Variants in INTS6 observed in about 807,000 individuals in gnomAD.
INTS6 encodes the protein DEAD box protein.
Under a neutral mutation model 104.9 loss-of-function variants are expected in INTS6, and 16 were observed. The observed-to-expected ratio is 0.15, with a 90% CI of 0.10 to 0.23. INTS6 has a LOEUF of 0.23. INTS6 is among the 10% of genes least tolerant of loss of function. The pLI, the probability that INTS6 is intolerant of heterozygous loss-of-function variation, is 1.00. For missense variants in INTS6, 584 were observed against 1,062.8 expected, an observed-to-expected ratio of 0.55 and a Z score of 6.26; for synonymous variants, 324 against 358.7, an observed-to-expected ratio of 0.90 and a Z score of 1.09.
At chr13:51,416,263 C>A (rs1956784543) in intron 4 of INTS6, among the ~76,000 whole-genome samples, 1 of 152,114 alleles carries the variant, frequency 6.6e-6, no homozygotes, top group African/African-American at 2.4e-5. Flanking sequence ...GATACAAGTT[C>A]TTCTATTTGT....
At chr13:51,345,916 G>A in the INTS6 span, among the ~76,000 whole-genome samples, 3,748 of 152,290 alleles carry the variant, frequency 0.025, 62 homozygotes, top group South Asian at 0.057. Flanking sequence ...GGCTGCTTGG[G>A]TTCAAATCCA....
the INTS6 span, among the ~76,000 whole-genome samples, chr13:51,334,724 G>T: frequency 1.3e-5 from 2 of 152,166 alleles, no homozygotes; most frequent in Non-Finnish European, 2.9e-5. Context: ...GCTCACGCCT[G>T]TAATCCCAGC....
chr13:51,409,313 A>ATAG (rs1450054576), intron 4 of INTS6, among the ~76,000 whole-genome samples: 4 of 134,190 alleles, frequency 3.0e-5, no homozygotes, highest in Non-Finnish European at 6.4e-5. Context: ...AATAATAATA[A>ATAG]TAGTATAACT....
chr13:51,385,552 C>T (rs112170890), intron 7 of INTS6, among the ~76,000 whole-genome samples: 1,730 of 152,250 alleles, frequency 0.011, 26 homozygotes, highest in East Asian at 0.07. Flanking sequence ...CCCAAAACAA[C>T]CCTATGAGAT....
chr13:51,336,891 T>C, the INTS6 span, among the ~76,000 whole-genome samples: 1 of 152,224 alleles, frequency 6.6e-6, no homozygotes, highest in Non-Finnish European at 1.5e-5. Flanking sequence ...GTCTATGCAC[T>C]GCATAGCTGT....
chr13:51,407,542 G>C (rs548920651), intron 4 of INTS6, among the ~76,000 whole-genome samples: 14 of 152,132 alleles, frequency 9.2e-5, no homozygotes, highest in Non-Finnish European at 1.9e-4. Context: ...ACTCATAAAA[G>C]CAAAAATCCA....
chr13:51,390,856 A>C (rs1400718884), intron 5 of INTS6, among the ~76,000 whole-genome samples: 3 of 152,068 alleles, frequency 2.0e-5, no homozygotes, highest in Non-Finnish European at 4.4e-5. Flanking sequence ...CAATCATTTT[A>C]TGATTATTAA....
At chr13:51,414,273 T>A (rs770070308) in intron 4 of INTS6, among the ~76,000 whole-genome samples, 29 of 152,236 alleles carry the variant, frequency 1.9e-4, no homozygotes, top group Non-Finnish European at 3.4e-4. Flanking sequence ...CTACTACCAG[T>A]TCTATCTTTG....
intron 4 of INTS6, among the ~76,000 whole-genome samples, chr13:51,411,158 AGCCGAGATCGC>A (rs1304076005): frequency 2.0e-5 from 3 of 151,770 alleles, no homozygotes; most frequent in African/African-American, 7.3e-5. Flanking sequence ...GGTTGTAGTG[AGCCGAGATCGC>A]GCCACTGCAC....
At chr13:51,410,293 A>T (rs2138029111) in intron 4 of INTS6, among the ~76,000 whole-genome samples, 1 of 152,346 alleles carries the variant, frequency 6.6e-6, no homozygotes. Context: ...GATAAAAACA[A>T]AGTTGGAGAC....
chr13:51,369,492 T>C (rs1370363738), intron 15 of INTS6, among the ~76,000 whole-genome samples, 182 bp from the exon 16 acceptor site: 2 of 152,196 alleles, frequency 1.3e-5, no homozygotes, highest in Admixed American at 6.5e-5. Context: ...ATGTGACACA[T>C]ACACAGTATT....
chr13:51,388,343 T>A (rs1956178017), intron 6 of INTS6, among the ~76,000 whole-genome samples: 1 of 151,942 alleles, frequency 6.6e-6, no homozygotes, highest in Non-Finnish European at 1.5e-5. Context: ...ATTAAATGAT[T>A]CTCTAAATCT....
intron 3 of INTS6, chr13:51,443,753 T>C (rs1248991942): frequency 6.6e-6 from 1 of 152,162 alleles, no homozygotes; most frequent in East Asian, 1.9e-4. Context: ...ACTAATTTAA[T>C]TGTAGAGTAT....
chr13:51,383,577 T>C lies in INTS6; in HGVS notation c.1047+12A>G. On this transcript the variant is annotated intron_variant, in intron 8 of 17. Transcript: ENST00000311234. Reference sequence around the variant, plus strand: ...TTTAAATTTTGGGGTCACTGTAAGTTGTTCAGCTTACCTGCCAACATGTTT... The same window carrying C: ...TTTAAATTTTGGGGTCACTGTAAGTCGTTCAGCTTACCTGCCAACATGTTT... 6.2e-7 allele frequency: 1 copy of C among 1,612,488 alleles called. No individual in the cohort carries two copies. The highest frequency in any genetic ancestry group is 8.5e-7 in the Non-Finnish European group (1 of 1,179,114).
At chr13:51,366,799 T>C (rs1955700873) in intron 17 of INTS6, among the ~76,000 whole-genome samples, 1 of 152,040 alleles carries the variant, frequency 6.6e-6, no homozygotes, top group Non-Finnish European at 1.5e-5. Flanking sequence ...TTATCTAAAA[T>C]CTTCATGTGT....
At chr13:51,432,003 G>A (rs186227670) in intron 3 of INTS6, among the ~76,000 whole-genome samples, 2 of 151,962 alleles carry the variant, frequency 1.3e-5, no homozygotes, top group Admixed American at 1.3e-4. Flanking sequence ...GTCTTCTCAG[G>A]CAATGTTCAT....
At position 51,368,976 on chromosome 13, in the gene INTS6, T is replaced by C; in HGVS notation, c.2439A>G (p.Lys813=). The part of the protein sequence containing the change: ...RSHEEVNTEL[K]AQIMKEIRKP... ...TTCGGATCTCTTTCATTATTTGTGC[T>C]TTTAGTTCAGTATTGACCTCTTCAT... Residue 813 remains lysine, a synonymous_variant, in exon 16 of 18, where the codon AAA becomes AAG. Coordinates refer to ENST00000311234, the MANE Select transcript of INTS6 (RefSeq NM_012141.3). 1 of 1,604,046 alleles carries C rather than the reference T, an allele frequency of 6.2e-7. No homozygotes were observed. The highest frequency in any genetic ancestry group is 8.5e-7 in the Non-Finnish European group (1 of 1,176,128).
intron 3 of INTS6, chr13:51,450,216 G>A (rs1328942320): frequency 2.0e-6 from 2 of 984,732 alleles, no homozygotes; most frequent in African/African-American, 1.7e-5. Context: ...TTTGTTACAT[G>A]TAACATTATA....
intron 8 of INTS6, 42 bp downstream of exon 8, chr13:51,383,547 C>A: frequency 6.2e-7 from 1 of 1,602,410 alleles, no homozygotes; most frequent in Middle Eastern, 1.7e-4. Flanking sequence ...TTAAGAAATG[C>A]CTCATTTAAA....
Sources: gnomAD v4.1 joint callset for allele counts (sites outside exome capture counted in the v4.1 genomes callset) on GRCh38, gnomAD v4.1.1 for gene constraint, MANE v1.5 for transcripts, NCBI Gene and HGNC (gene_info 2026-07-23, HGNC 2026-07-21) for gene names.